ZZEF1: variants seen among roughly 807,000 people sequenced by gnomAD.
The protein encoded by ZZEF1 is zinc finger ZZ-type and EF-hand domain containing 1, also known as zinc finger ZZ-type and EF-hand domain-containing protein 1.
Under a neutral mutation model 342.8 loss-of-function variants are expected in ZZEF1, and 157 were observed. The observed-to-expected ratio is 0.46, with a 90% CI of 0.40 to 0.52. ZZEF1 has a LOEUF of 0.52. Ranked by LOEUF, ZZEF1 falls within the 20% of genes least tolerant of loss-of-function variation. The pLI is 0.00. For synonymous variants in ZZEF1, 1,505 were observed against 1,429.1 expected (o/e 1.05, Z -1.20); for missense variants, 3,480 against 3,725.6 (o/e 0.93, Z 1.72).
chr17:4,086,715 C>A, intron 14 of ZZEF1, 60 bp from the exon 15 acceptor site: 1 of 1,571,264 alleles, frequency 6.4e-7, no homozygotes, highest in Non-Finnish European at 8.7e-7. Flanking sequence ...CTCTCCAAAG[C>A]CATATAGCTG....
chr17:4,056,730 A>C (rs1301481733), intron 32 of ZZEF1: 1 of 152,114 alleles, frequency 6.6e-6, no homozygotes, highest in African/African-American at 2.4e-5. Flanking sequence ...ATCCTGGTGG[A>C]ATCAGTACGA....
At chr17:4,135,278 C>A (rs754826737) in intron 1 of ZZEF1, among the ~76,000 whole-genome samples, 1 of 152,148 alleles carries the variant, frequency 6.6e-6, no homozygotes, top group Admixed American at 6.6e-5. Context: ...GAGCTCAAGA[C>A]CAGCCTGGGT....
intron 30 of ZZEF1, 125 bp from the exon 31 acceptor site, chr17:4,059,415 A>G: frequency 8.5e-7 from 1 of 1,174,474 alleles, no homozygotes; most frequent in Non-Finnish European, 1.2e-6. Flanking sequence ...ACAGGAACTT[A>G]AGTAAATACA....
Position 4,009,753 on chromosome 17 carries a change from G to A in ZZEF1, c.8584C>T (p.Leu2862=). The A allele has an allele frequency of 1.2e-6, 2 of 1,614,002 alleles. No homozygotes were observed. The highest frequency in any genetic ancestry group is 8.5e-7 in the Non-Finnish European group (1 of 1,179,966). ...GGCTTCAACAGCGCAAGGTCACACAGGTCACTGCAGGAGGAGCCCCGGAGG... is the reference window on the plus strand; with the variant it reads ...GGCTTCAACAGCGCAAGGTCACACAAGTCACTGCAGGAGGAGCCCCGGAGG... ...RIVRCCGHSD[L]CDLALLKPLW... Residue 2862 remains leucine, a synonymous_variant, in exon 53 of 55, where the codon CTG becomes TTG. Coordinates refer to ENST00000381638, the MANE Select transcript of ZZEF1 (RefSeq NM_015113.4).
At chr17:4,042,328 G>T in intron 39 of ZZEF1, 101 bp downstream of exon 39, 1 of 1,284,874 alleles carries the variant, frequency 7.8e-7, no homozygotes, top group Non-Finnish European at 1.1e-6. Flanking sequence ...TACCCTTAAG[G>T]CTACAGAGAT....
chr17:4,024,193 T>TG (rs1567770208), intron 43 of ZZEF1, among the ~76,000 whole-genome samples: 1 of 129,404 alleles, frequency 7.7e-6, no homozygotes, highest in Non-Finnish European at 1.6e-5. Flanking sequence ...CAGGTTTTTT[T>TG]TTTTTTTTTT....
chr17:4,015,487 A>G (rs1461707915), intron 49 of ZZEF1, among the ~76,000 whole-genome samples: 1 of 152,272 alleles, frequency 6.6e-6, no homozygotes, highest in Non-Finnish European at 1.5e-5. Flanking sequence ...AATGGGGGCC[A>G]GGTGAGGTGG....
At chr17:4,142,140 T>C (rs186918245) in intron 1 of ZZEF1, among the ~76,000 whole-genome samples, 1 of 152,318 alleles carries the variant, frequency 6.6e-6, no homozygotes, top group Non-Finnish European at 1.5e-5. Flanking sequence ...GCGCCCACAC[T>C]GAATTGGGAA....
chr17:4,109,599 G>A, intron 6 of ZZEF1, 54 bp downstream of exon 6: 1 of 1,568,612 alleles, frequency 6.4e-7, no homozygotes, highest in Non-Finnish European at 8.8e-7. Flanking sequence ...CCTAAAGGAT[G>A]ATGGGAGAAT....
chr17:4,060,392 C>T (rs2057258629), intron 30 of ZZEF1, among the ~76,000 whole-genome samples: 1 of 152,110 alleles, frequency 6.6e-6, no homozygotes, highest in South Asian at 2.1e-4. Flanking sequence ...TGGGGAAACC[C>T]AGTGTCTAGT....
chr17:4,030,266 A>G (rs1156941628), intron 42 of ZZEF1, among the ~76,000 whole-genome samples: 6 of 152,180 alleles, frequency 3.9e-5, no homozygotes, highest in Non-Finnish European at 2.9e-5. Context: ...CAATCAGAAA[A>G]TAAGAGAAGA....
At chr17:4,024,458 C>G (rs2056357497) in intron 43 of ZZEF1, among the ~76,000 whole-genome samples, 1 of 152,124 alleles carries the variant, frequency 6.6e-6, no homozygotes, top group Non-Finnish European at 1.5e-5. Flanking sequence ...CTTGGCCTCC[C>G]AAAGTGCCAG....
At chr17:4,022,948 G>A in intron 43 of ZZEF1, 120 bp from the exon 44 acceptor site, 1 of 1,335,440 alleles carries the variant, frequency 7.5e-7, no homozygotes. Flanking sequence ...ACATACTTTT[G>A]AATGAAGCCT....
intron 32 of ZZEF1, among the ~76,000 whole-genome samples, chr17:4,057,176 G>A (rs931374210): frequency 2.0e-5 from 3 of 152,202 alleles, no homozygotes; most frequent in Non-Finnish European, 4.4e-5. Context: ...GGCGTGCGGG[G>A]AGACAAAGCG....
In ZZEF1 at chr17:4,076,715, G is replaced by A. The variant is rs750744936; in HGVS notation, c.3156C>T (p.Cys1052=). Residue 1052 remains cysteine, a synonymous_variant, in exon 21 of 55, where the codon TGC becomes TGT. Coordinates refer to ENST00000381638, the MANE Select transcript of ZZEF1 (RefSeq NM_015113.4). ...LDFCTLDIPH[C]VLLREFSVLT... is the part of the protein sequence containing the mutation. ...GGACGCTGAACTCTCTCAAGAGCAC[G>A]CAGTGTGGGATGTCTAAAGTGCAGA... 161 of 1,612,984 alleles carry A rather than the reference G, an allele frequency of 1.0e-4. No individual in the cohort carries two copies. Among genetic ancestry groups the A allele is most frequent in the Non-Finnish European group, 1.2e-4 (147 of 1,179,156 alleles).
intron 52 of ZZEF1, among the ~76,000 whole-genome samples, chr17:4,013,172 C>T (rs965194656): frequency 2.6e-5 from 4 of 151,676 alleles, no homozygotes; most frequent in East Asian, 1.9e-4. Flanking sequence ...TTCTATCATA[C>T]ACTCAAATGC....
At chr17:4,038,700 G>T (rs1440919441) in intron 39 of ZZEF1, among the ~76,000 whole-genome samples, 1 of 152,122 alleles carries the variant, frequency 6.6e-6, no homozygotes, top group African/African-American at 2.4e-5. Context: ...AGCTACTTGG[G>T]AGGCTGAGGC....
Position 4,062,811 on chromosome 17 carries a change from G to A in ZZEF1, c.4825C>T (p.His1609Tyr), listed in dbSNP as rs746217737. 6.2e-7 allele frequency: 1 copy of A among 1,613,182 alleles called. No homozygotes were observed. The highest frequency in any genetic ancestry group is 8.5e-7 in the Non-Finnish European group (1 of 1,179,606). ...AACAGGAAAAGTATGAAAGGTGGAT[G>A]GAAGCAGTGGGGCTGCCCAAGGGAT... ...AESLGQPHCF[H>Y]PPFILFLLEL... Residue 1609 changes from histidine (H) to tyrosine (Y), a missense_variant, in exon 30 of 55, where the codon CAT (histidine) becomes TAT (tyrosine). This residue lies in a region of ZZEF1 where 1,528 missense variants were observed against 1,624.1 expected (regional missense o/e 0.94). Coordinates refer to ENST00000381638, the MANE Select transcript of ZZEF1 (RefSeq NM_015113.4).
intron 1 of ZZEF1, 69 bp downstream of exon 1, chr17:4,142,473 C>G: frequency 6.6e-7 from 1 of 1,515,878 alleles, no homozygotes; most frequent in South Asian, 1.2e-5. Flanking sequence ...AGCAAATGCC[C>G]ACCTCTTCCT....
Sources: gnomAD v4.1 joint callset for allele counts (sites outside exome capture counted in the v4.1 genomes callset) on GRCh38, gnomAD v4.1.1 for gene constraint, gnomAD v4.1.1 regional missense constraint, MANE v1.5 for transcripts, NCBI Gene and HGNC (gene_info 2026-07-23, HGNC 2026-07-21) for gene names.